PSMG2: variants seen among roughly 807,000 people sequenced by gnomAD.
PSMG2 encodes proteasome assembly chaperone 2.
A neutral mutation model predicts 31.5 loss-of-function variants in PSMG2; 21 were observed. The ratio of observed to expected loss-of-function variants is 0.67; its 90% CI spans 0.47 to 0.96. The LOEUF is 0.96. PSMG2 is among the 40% of genes least tolerant of loss of function. PSMG2 has a pLI of 0.00. For synonymous variants in PSMG2, 120 were observed against 110.4 expected, an observed-to-expected ratio of 1.09 and a Z score of -0.54; for missense variants, 318 against 321.2, an observed-to-expected ratio of 0.99 and a Z score of 0.08.
chr18:12,691,379 G>A (rs1374948157), intron 1 of PSMG2: 1 of 1,598,532 alleles, frequency 6.3e-7, no homozygotes, highest in Non-Finnish European at 8.5e-7. Flanking sequence ...ATCTTAACCA[G>A]TCGTGAGTTG....
At chr18:12,659,137 C>T (rs1392744895) in intron 1 of PSMG2, among the ~76,000 whole-genome samples, 1 of 152,156 alleles carries the variant, frequency 6.6e-6, no homozygotes, top group Non-Finnish European at 1.5e-5. Flanking sequence ...TGTGTGAAAG[C>T]CCTACAGAGT....
At chr18:12,703,738 G>A (rs905058554) in intron 1 of PSMG2, among the ~76,000 whole-genome samples, 5 of 152,204 alleles carry the variant, frequency 3.3e-5, no homozygotes, top group African/African-American at 1.2e-4. Context: ...AAGCTTGAAA[G>A]GGTATAGAAA....
At chr18:12,668,181 C>G (rs943901138) in intron 1 of PSMG2, among the ~76,000 whole-genome samples, 18 of 152,162 alleles carry the variant, frequency 1.2e-4, no homozygotes, top group Non-Finnish European at 2.2e-4. Context: ...AGGAAAATCA[C>G]CTGAACCTGG....
chr18:12,724,487 T>C lies in PSMG2; in HGVS notation c.582-12T>C. On this transcript the variant is annotated splice_polypyrimidine_tract_variant and intron_variant, in intron 5 of 6. Coordinates refer to ENST00000317615, the MANE Select transcript of PSMG2 (RefSeq NM_020232.5). ...ATGAAAGAATACTGATTCTTATTTT[T>C]ATTTCTTGTAGCTGTTCTAAAGAAA... is the stretch of plus-strand genomic sequence containing the variant. The C allele has an allele frequency of 6.3e-7, 1 of 1,587,822 alleles. No individual in the cohort carries two copies.
intron 1 of PSMG2, among the ~76,000 whole-genome samples, chr18:12,676,501 C>T (rs993996406): frequency 5.3e-5 from 8 of 151,934 alleles, no homozygotes; most frequent in African/African-American, 1.5e-4. Flanking sequence ...TCTTGAACTC[C>T]TGAGCTCAAG....
intron 1 of PSMG2, among the ~76,000 whole-genome samples, chr18:12,675,154 TG>T (rs1164534122): frequency 6.6e-6 from 1 of 152,154 alleles, no homozygotes; most frequent in Non-Finnish European, 1.5e-5. Context: ...CCCAGCAGTT[TG>T]GGAGGCTGAG....
At chr18:12,721,354 G>A (rs1356162006) in intron 5 of PSMG2, among the ~76,000 whole-genome samples, 1 of 151,800 alleles carries the variant, frequency 6.6e-6, no homozygotes, top group East Asian at 1.9e-4. Flanking sequence ...ACCTCTACAC[G>A]CGCACTTTTT....
intron 1 of PSMG2, among the ~76,000 whole-genome samples, chr18:12,675,680 AT>A (rs577503115): frequency 0.02 from 3,098 of 151,812 alleles, 118 homozygotes; most frequent in African/African-American, 0.071. Context: ...ATTTTTTTAA[AT>A]TTTTTGAGAC....
intron 1 of PSMG2, chr18:12,686,362 C>G: frequency 6.2e-7 from 1 of 1,614,090 alleles, no homozygotes; most frequent in Non-Finnish European, 8.5e-7. Context: ...ATTAACAAAT[C>G]TTGCTGCTTG....
In PSMG2 at chr18:12,722,659, C is replaced by G. The variant is rs28628407; in HGVS notation, c.582-1840C>G. On this transcript the variant is annotated intron_variant, in intron 5 of 6. Coordinates refer to ENST00000317615, the MANE Select transcript of PSMG2 (RefSeq NM_020232.5). ...ACATTCAGGAAATGCGGATTTTACC[C>G]TGAAGAAACAATATTTAAAATACTC... Among the ~76,000 whole-genome samples the G allele has an allele frequency of 9.1e-3, 1,378 of 152,150 alleles. 23 individuals carry two copies. The highest frequency in any genetic ancestry group is 0.032 in the African/African-American group (1,317 of 41,524).
intron 1 of PSMG2, chr18:12,674,501 A>G (rs2039050964): frequency 2.6e-6 from 4 of 1,554,208 alleles, no homozygotes; most frequent in Non-Finnish European, 3.5e-6. Context: ...TAAGACTCCT[A>G]AACTGAAAAA....
At chr18:12,699,829 C>A, upstream of PSMG2, 1 of 1,510,052 alleles carries the variant, frequency 6.6e-7, no homozygotes, top group Admixed American at 1.9e-5. Context: ...AATATACATA[C>A]TTTTTTTTAA....
At chr18:12,679,805 A>G (rs756227596) in intron 1 of PSMG2, among the ~76,000 whole-genome samples, 4 of 152,082 alleles carry the variant, frequency 2.6e-5, no homozygotes, top group Non-Finnish European at 5.9e-5. Context: ...GCTCATGCCT[A>G]TAATCTCAGC....
chr18:12,673,061 CTG>C (rs2038987853), intron 1 of PSMG2: 3 of 1,017,472 alleles, frequency 2.9e-6, no homozygotes, highest in Non-Finnish European at 2.4e-6. Context: ...GTAAAGAAAA[CTG>C]AATGCATTTT....
intron 1 of PSMG2, chr18:12,686,451 C>G: frequency 6.2e-7 from 1 of 1,601,372 alleles, no homozygotes; most frequent in Non-Finnish European, 8.5e-7. Context: ...CATTTTCATC[C>G]TAGGGAAAAG....
upstream of PSMG2, chr18:12,700,014 C>A: frequency 3.7e-6 from 2 of 540,594 alleles, no homozygotes; most frequent in Non-Finnish European, 3.1e-6. Flanking sequence ...AGGGTAAGGC[C>A]CTTTCAAAGA....
At chr18:12,687,971 C>T (rs934532561) in intron 1 of PSMG2, among the ~76,000 whole-genome samples, 6 of 151,808 alleles carry the variant, frequency 4.0e-5, no homozygotes, top group African/African-American at 7.3e-5. Flanking sequence ...AGGCTGGGCA[C>T]GGTGGCTCAC....
chr18:12,665,387 TTATATG>T (rs1173630602), intron 1 of PSMG2, among the ~76,000 whole-genome samples: 1 of 152,048 alleles, frequency 6.6e-6, no homozygotes, highest in African/African-American at 2.4e-5. Flanking sequence ...AGTTCATGCC[TTATATG>T]TATACTTGTG....
intron 1 of PSMG2, among the ~76,000 whole-genome samples, chr18:12,681,105 A>G (rs1217939987): frequency 2.0e-5 from 3 of 151,568 alleles, no homozygotes; most frequent in Admixed American, 6.6e-5. Context: ...AGGCGAGGCA[A>G]GAGAATCACG....
Sources: gnomAD v4.1 joint callset for allele counts (sites outside exome capture counted in the v4.1 genomes callset) on GRCh38, gnomAD v4.1.1 for gene constraint, MANE v1.5 for transcripts, NCBI Gene and HGNC (gene_info 2026-07-23, HGNC 2026-07-21) for gene names.